Variants in DPH6 observed in about 807,000 individuals in gnomAD.
DPH6 encodes the protein diphthine--ammonia ligase.
In DPH6, 33 loss-of-function variants were observed where a neutral mutation model predicts 38.2. The ratio of observed to expected loss-of-function variants is 0.86; its 90% CI spans 0.65 to 1.15. The LOEUF (loss-of-function observed/expected upper bound fraction) is 1.15, where lower values mean the gene tolerates loss of function less well. Ranked by LOEUF, DPH6 falls within the 50% of genes most tolerant of loss-of-function variation. The pLI is 0.00. For synonymous variants in DPH6, 108 were observed against 103.0 expected, an observed-to-expected ratio of 1.05 and a Z score of -0.30; for missense variants, 325 against 320.0, an observed-to-expected ratio of 1.02 and a Z score of -0.12.
intron 3 of DPH6, among the ~76,000 whole-genome samples, chr15:35,501,818 C>T (rs2054631646): frequency 6.6e-6 from 1 of 151,758 alleles, no homozygotes. Flanking sequence ...AAAATGGTTC[C>T]CACAGTTTTT....
intron 5 of DPH6, among the ~76,000 whole-genome samples, chr15:35,421,011 C>A (rs1348938408): frequency 3.3e-5 from 5 of 152,074 alleles, no homozygotes; most frequent in African/African-American, 1.2e-4. Context: ...TACAGTTAAA[C>A]TGTATTTAAC....
intron 3 of DPH6, among the ~76,000 whole-genome samples, chr15:35,516,863 T>C (rs1334550214): frequency 6.6e-6 from 1 of 152,102 alleles, no homozygotes; most frequent in Non-Finnish European, 1.5e-5. Flanking sequence ...TTCCAGAGCA[T>C]ACATACCTAC....
chr15:35,219,995 C>A (rs1040998616), exon 4 of DPH6: 1 of 152,210 alleles, frequency 6.6e-6, no homozygotes, highest in Admixed American at 6.5e-5. Context: ...ACAGGTTCAA[C>A]TGAACCTTAC....
intron 3 of DPH6, among the ~76,000 whole-genome samples, chr15:35,301,220 GA>G (rs2052052688): frequency 6.6e-6 from 1 of 152,120 alleles, no homozygotes; most frequent in African/African-American, 2.4e-5. Flanking sequence ...AGGTAACCAT[GA>G]CTTTGTCATC....
intron 3 of DPH6, among the ~76,000 whole-genome samples, chr15:35,292,793 GA>G (rs1255264799): frequency 6.6e-6 from 1 of 151,968 alleles, no homozygotes; most frequent in Non-Finnish European, 1.5e-5. Context: ...ACTTTTTTGA[GA>G]TGGCTTTTGA....
intron 5 of DPH6, among the ~76,000 whole-genome samples, chr15:35,446,014 A>G (rs2053847556): frequency 1.3e-5 from 2 of 152,194 alleles, no homozygotes; most frequent in South Asian, 4.1e-4. Context: ...TGGGACCCAT[A>G]CGAACTGCCA....
intron 3 of DPH6, among the ~76,000 whole-genome samples, chr15:35,313,134 G>A (rs1001467212): frequency 4.6e-5 from 7 of 152,222 alleles, no homozygotes; most frequent in East Asian, 1.9e-4. Context: ...TTGGAAGGCT[G>A]AGGCAGGAGA....
intron 3 of DPH6, among the ~76,000 whole-genome samples, chr15:35,286,417 C>A (rs561789758): frequency 2.4e-4 from 37 of 152,308 alleles, no homozygotes; most frequent in African/African-American, 8.2e-4. Context: ...TTGATTGGGC[C>A]TTCTCTGCTC....
At chr15:35,315,230 C>T (rs1352713170) in intron 3 of DPH6, among the ~76,000 whole-genome samples, 2 of 152,170 alleles carry the variant, frequency 1.3e-5, no homozygotes, top group East Asian at 3.8e-4. Flanking sequence ...CCAACCAGCT[C>T]CCACTTCTTT....
intron 3 of DPH6, among the ~76,000 whole-genome samples, chr15:35,495,144 T>C (rs1240601510): frequency 6.6e-6 from 1 of 152,198 alleles, no homozygotes; most frequent in Non-Finnish European, 1.5e-5. Flanking sequence ...GTTGAAGTTC[T>C]AAACTCCAGT....
At chr15:35,378,380 G>A (rs569159853) in intron 7 of DPH6, among the ~76,000 whole-genome samples, 2 of 152,298 alleles carry the variant, frequency 1.3e-5, no homozygotes, top group South Asian at 4.1e-4. Flanking sequence ...CTGTTGGTGG[G>A]AGTGTAAATT....
intron 3 of DPH6, among the ~76,000 whole-genome samples, chr15:35,233,372 TTTA>T (rs1340519875): frequency 1.3e-5 from 2 of 152,174 alleles, no homozygotes; most frequent in Non-Finnish European, 2.9e-5. Flanking sequence ...TCCATTGTAT[TTTA>T]TTAAGTGTGG....
intron 3 of DPH6, among the ~76,000 whole-genome samples, chr15:35,315,249 T>A (rs2052178846): frequency 6.6e-6 from 1 of 152,218 alleles, no homozygotes; most frequent in Non-Finnish European, 1.5e-5. Flanking sequence ...TTAAACATCT[T>A]GACAACCTTT....
the DPH6 span, among the ~76,000 whole-genome samples, chr15:35,166,111 C>T: frequency 5.9e-5 from 9 of 151,954 alleles, no homozygotes; most frequent in African/African-American, 1.4e-4. Context: ...ATTTGAGAAA[C>T]GACAGAAAGT....
chr15:35,383,368 A>C (rs1189712876), intron 6 of DPH6, among the ~76,000 whole-genome samples: 1 of 152,228 alleles, frequency 6.6e-6, no homozygotes, highest in Non-Finnish European at 1.5e-5. Context: ...AATTCACATA[A>C]AATATTTCTA....
At chr15:35,390,066 T>C (rs927952169) in intron 6 of DPH6, among the ~76,000 whole-genome samples, 9 of 152,212 alleles carry the variant, frequency 5.9e-5, no homozygotes, top group Non-Finnish European at 7.3e-5. Context: ...AGCATTTGGT[T>C]GTCTGTAAAG....
chr15:35,500,512 T>C (rs1363095902), intron 3 of DPH6, among the ~76,000 whole-genome samples: 1 of 152,186 alleles, frequency 6.6e-6, no homozygotes, highest in African/African-American at 2.4e-5. Flanking sequence ...CTTTTTGTGA[T>C]TTGAATAATA....
chr15:35,239,988 C>A (rs1176616037), intron 3 of DPH6, among the ~76,000 whole-genome samples: 2 of 142,174 alleles, frequency 1.4e-5, no homozygotes, highest in Non-Finnish European at 3.1e-5. Context: ...AAGAACCCCC[C>A]ACCCCTTCTC....
downstream of DPH6, among the ~76,000 whole-genome samples, chr15:35,213,355 T>C (rs919777883): frequency 1.3e-5 from 2 of 152,308 alleles, no homozygotes; most frequent in Non-Finnish European, 1.5e-5. Context: ...TGACAGCAAA[T>C]TAAGTCCATA....
Sources: gnomAD v4.1 joint callset for allele counts (sites outside exome capture counted in the v4.1 genomes callset) on GRCh38, gnomAD v4.1.1 for gene constraint, MANE v1.5 for transcripts, NCBI Gene and HGNC (gene_info 2026-07-23, HGNC 2026-07-21) for gene names.